The following PRKN variants were observed in gnomAD, a reference collection of about 807,000 sequenced individuals.
PRKN encodes the protein parkin RBR E3 ubiquitin protein ligase, also known as E3 ubiquitin-protein ligase parkin.
A neutral mutation model predicts 59.5 loss-of-function variants in PRKN; 56 were observed. The observed-to-expected ratio is 0.94, with a 90% CI of 0.76 to 1.18. The LOEUF is 1.18. Among genes scored for constraint, PRKN ranks in the 50% most tolerant of loss-of-function variants. PRKN has a pLI of 0.00. For missense variants in PRKN, 657 were observed against 596.4 expected (o/e 1.10, Z -1.06); for synonymous variants, 250 against 222.1 (o/e 1.13, Z -1.12).
chr6:162,549,828 G>A (rs965555098), intron 1 of PRKN, among the ~76,000 whole-genome samples: 1 of 151,974 alleles, frequency 6.6e-6, no homozygotes, highest in East Asian at 1.9e-4. Flanking sequence ...TAGTAGAGAC[G>A]AGGTTTCACC....
chr6:161,899,180 C>T (rs1777784280), intron 6 of PRKN, among the ~76,000 whole-genome samples: 1 of 152,226 alleles, frequency 6.6e-6, no homozygotes. Flanking sequence ...ACACATTTCA[C>T]AGATGAGGCT....
Position 161,347,613 on chromosome 6 carries a change from GTTTTTGTTTT to G in PRKN, c.*2476_*2485del, listed in dbSNP as rs1036578009. 2 of 119,274 alleles carry G rather than the reference GTTTTTGTTTT, an allele frequency of 1.7e-5. 1 individual carries two copies. Among genetic ancestry groups the G allele is most frequent in the African/African-American group, 7.0e-5 (2 of 28,740 alleles). The allele number at this position is 119,274 out of a possible 1,614,324, so 7.4% of individuals were successfully genotyped here. ...GTGTAGTGGATGATCTTGCTTTTTT[GTTTTTGTTTT>G]TTTTTTTTTTTTGAGACAGAGTCTC... On this transcript the variant is annotated 3_prime_UTR_variant, in exon 12 of 12. Transcript: ENST00000366898.
chr6:161,351,595 G>A (rs1198190421), intron 11 of PRKN, among the ~76,000 whole-genome samples: 4 of 152,154 alleles, frequency 2.6e-5, no homozygotes, highest in African/African-American at 9.7e-5. Context: ...AAAGTGCTGG[G>A]ATTACAGGCG....
At position 161,353,118 on chromosome 6, in the gene PRKN, C is replaced by T. The variant is rs180935213; in HGVS notation, c.1286-2907G>A. Among the ~76,000 whole-genome samples the T allele has an allele frequency of 1.3e-5, 2 of 152,228 alleles. No individual in the cohort carries two copies. Among genetic ancestry groups the T allele is most frequent in the Admixed American group, 1.3e-4 (2 of 15,298 alleles). ...CATACACAGTCCCTGGCTTATAACT[C>T]CCATAGCTCTTGTTACAGTCTTTTG... On this transcript the variant is annotated intron_variant, in intron 11 of 11. Transcript: ENST00000366898. The surrounding 1 kb of genome is among the most constrained non-coding windows in gnomAD (Gnocchi z 4.8).
intron 1 of PRKN, among the ~76,000 whole-genome samples, chr6:162,620,996 C>T (rs1028330798): frequency 6.6e-6 from 1 of 152,194 alleles, no homozygotes; most frequent in Non-Finnish European, 1.5e-5. Context: ...TGATGGAAAA[C>T]ATAATGTTAG....
rs1785784763 is a variant in PRKN, at chr6:161,377,735, G to C, written c.1167+9059C>G. Among the ~76,000 whole-genome samples the C allele has an allele frequency of 6.6e-6, 1 of 152,130 alleles. No homozygotes were observed. The highest frequency in any genetic ancestry group is 1.5e-5 in the Non-Finnish European group (1 of 68,042). On this transcript the variant is annotated intron_variant, in intron 10 of 11. Transcript: ENST00000366898. This position sits in a 1 kb window ranked among gnomAD's most constrained non-coding sequence, Gnocchi z 4.2. ...AATGGGATTAGTGCCCTTATAAAGA[G>C]AGGGCATTAACCAGTCACCTCTCAT...
intron 7 of PRKN, among the ~76,000 whole-genome samples, chr6:161,596,008 A>T (rs1444397192): frequency 6.6e-6 from 1 of 152,156 alleles, no homozygotes; most frequent in Non-Finnish European, 1.5e-5. Flanking sequence ...GGCAGGGGAC[A>T]GCTGAAAGAT....
chr6:161,780,467 C>G (rs984898351), intron 7 of PRKN, among the ~76,000 whole-genome samples: 1 of 152,112 alleles, frequency 6.6e-6, no homozygotes, highest in Non-Finnish European at 1.5e-5. Flanking sequence ...CAGGGAGTCC[C>G]ACAACCACCA....
At chr6:161,783,608 G>A (rs1790299432) in intron 7 of PRKN, 1 of 493,186 alleles carries the variant, frequency 2.0e-6, no homozygotes, top group South Asian at 1.5e-5. Flanking sequence ...TAAAAAGATA[G>A]AGTGTGAAGG....
At chr6:161,828,667 T>C (rs6455779) in intron 6 of PRKN, among the ~76,000 whole-genome samples, 141,106 of 152,198 alleles carry the variant, frequency 0.93, 65,822 homozygotes, top group Non-Finnish European at 0.97. Context: ...ACTCTGTCTC[T>C]CAGCACTCTG....
chr6:162,224,085 A>G (rs533155476), intron 3 of PRKN, among the ~76,000 whole-genome samples: 1 of 148,154 alleles, frequency 6.7e-6, no homozygotes, highest in African/African-American at 2.5e-5. Flanking sequence ...ATACCCCAAA[A>G]AGATTTTTTT....
intron 1 of PRKN, among the ~76,000 whole-genome samples, chr6:162,444,932 A>G (rs1328846125): frequency 6.6e-6 from 1 of 152,196 alleles, no homozygotes; most frequent in Non-Finnish European, 1.5e-5. Context: ...ATTTAAAACT[A>G]TCGTCTTGTA....
Position 161,534,202 on chromosome 6 carries a change from G to A in PRKN, c.1083+14652C>T, listed in dbSNP as rs749368901. 3.3e-5 allele frequency among the ~76,000 whole-genome samples: 5 copies of A among 152,060 alleles called. No homozygotes were observed. The South Asian group carries it at 6.2e-4, about 19-fold the overall frequency. On this transcript the variant is annotated intron_variant, in intron 9 of 11. Coordinates refer to ENST00000366898, the MANE Select transcript of PRKN (RefSeq NM_004562.3). ...GTCGGCTAATCATTCCTCCCTGGCC[G>A]TGTTCTCTGCAGCTGCCTAGCTTTC...
chr6:162,440,101 C>A (rs1160317625), intron 2 of PRKN, among the ~76,000 whole-genome samples: 4 of 151,488 alleles, frequency 2.6e-5, no homozygotes, highest in Non-Finnish European at 4.4e-5. Context: ...CCAGATCATT[C>A]GTTTTCAATG....
chr6:162,244,105 A>G (rs1288835227), intron 3 of PRKN, among the ~76,000 whole-genome samples: 2 of 152,164 alleles, frequency 1.3e-5, no homozygotes, highest in African/African-American at 4.8e-5. Flanking sequence ...TGTAAACAAC[A>G]GTAACTGCAT....
At chr6:162,017,354 T>C (rs1782968476) in intron 5 of PRKN, among the ~76,000 whole-genome samples, 1 of 152,150 alleles carries the variant, frequency 6.6e-6, no homozygotes, top group South Asian at 2.1e-4. Context: ...AAATGACCCT[T>C]ACCACATAGA....
At position 162,704,826 on chromosome 6, in the gene PRKN, C is replaced by T. The variant is rs117897010; in HGVS notation, c.7+22836G>A. 2.3e-3 allele frequency among the ~76,000 whole-genome samples: 346 copies of T among 151,994 alleles called. 5 individuals are homozygous for T. In the East Asian group the frequency reaches 0.049, roughly 22 times the overall value. ...TGCCCGAGGATGGTCACATCTGAATCGTGAAACAAATGGACTTCGGATTTT... is the reference window on the plus strand; with the variant it reads ...TGCCCGAGGATGGTCACATCTGAATTGTGAAACAAATGGACTTCGGATTTT... On this transcript the variant is annotated intron_variant, in intron 1 of 11. Coordinates refer to ENST00000366898, the MANE Select transcript of PRKN (RefSeq NM_004562.3).
intron 2 of PRKN, among the ~76,000 whole-genome samples, chr6:162,352,007 G>A (rs956135169): frequency 2.0e-5 from 3 of 152,032 alleles, no homozygotes; most frequent in Admixed American, 1.3e-4. Flanking sequence ...CACCCCCTCC[G>A]GACACCAGAG....
intron 9 of PRKN, among the ~76,000 whole-genome samples, chr6:161,449,402 C>T (rs181553679): frequency 3.3e-5 from 5 of 152,192 alleles, no homozygotes; most frequent in African/African-American, 4.8e-5. Context: ...CTCATCTATC[C>T]GTATGTACTC....
Sources: gnomAD v4.1 joint callset for allele counts (sites outside exome capture counted in the v4.1 genomes callset) on GRCh38, gnomAD v4.1.1 for gene constraint, Gnocchi (gnomAD v3.1) non-coding constraint, MANE v1.5 for transcripts, NCBI Gene and HGNC (gene_info 2026-07-23, HGNC 2026-07-21) for gene names.